The following KLHL1 variants were observed in gnomAD, a reference collection of about 807,000 sequenced individuals.
The protein encoded by KLHL1 is kelch like family member 1.
A neutral mutation model predicts 77.7 loss-of-function variants in KLHL1; 47 were observed. That is an observed-to-expected ratio of 0.60 (90% CI 0.48 to 0.77). KLHL1 has a LOEUF of 0.77. Ranked by LOEUF, KLHL1 falls within the 30% of genes least tolerant of loss-of-function variation. The pLI is 0.00. For missense variants in KLHL1, 925 were observed against 910.8 expected (o/e 1.02, Z -0.20); for synonymous variants, 360 against 325.2 (o/e 1.11, Z -1.15).
chr13:70,108,058 A>C lies in KLHL1; in HGVS notation c.-359T>G, dbSNP rs1258019241. 7.1e-6 allele frequency: 3 copies of C among 421,732 alleles called. No individual in the cohort carries two copies. The highest frequency in any genetic ancestry group is 2.0e-5 in the African/African-American group (1 of 48,924). The allele number at this position is 421,732 out of a possible 1,614,324, so 26.1% of individuals were successfully genotyped here. A position where few individuals can be genotyped will look rare whatever the true frequency, so the allele number is the denominator to read the frequency against. ...TAGGCTGGAGATGCGCGAGGGAGGG[A>C]GGTCTGAGCGCTCCGAAGCTCCGGA... On this transcript the variant is annotated 5_prime_UTR_variant, in exon 1 of 11. Coordinates refer to ENST00000377844, the MANE Select transcript of KLHL1 (RefSeq NM_020866.3).
At chr13:69,843,213 TATATGCACGTAACAAA>T (rs1382725103) in intron 5 of KLHL1, among the ~76,000 whole-genome samples, 2 of 151,658 alleles carry the variant, frequency 1.3e-5, no homozygotes, top group African/African-American at 4.8e-5. Context: ...CACAACACAC[TATATGCACGTAACAAA>T]ATTTCTCATG....
Position 70,092,906 on chromosome 13 carries a change from G to A in KLHL1, c.497+14297C>T, listed in dbSNP as rs57717252. 2.8e-3 allele frequency among the ~76,000 whole-genome samples: 427 copies of A among 152,160 alleles called. 1 individual carries two copies. Among genetic ancestry groups the A allele is most frequent in the African/African-American group, 9.6e-3 (399 of 41,530 alleles). On this transcript the variant is annotated intron_variant, in intron 1 of 10. Transcript: ENST00000377844. ...CTACAGTATTGAACAGCGCAGCCATGAAATAATTGCATCATCACAGGATAA... is the reference window on the plus strand; with the variant it reads ...CTACAGTATTGAACAGCGCAGCCATAAAATAATTGCATCATCACAGGATAA...
chr13:69,768,103 C>T (rs1875393009), intron 7 of KLHL1, among the ~76,000 whole-genome samples: 1 of 152,156 alleles, frequency 6.6e-6, no homozygotes, highest in Non-Finnish European at 1.5e-5. Flanking sequence ...GAAAGATCTT[C>T]TCCTGTGGTA....
rs1217319829 is a variant in KLHL1 at position 69,920,729 on chromosome 13, C to G, written c.1014+19311G>C. ...AAAGTAAAAATCAGTGAAAAATGCTCTCGTTCAAAGAAGTTTTCCATTCAC... is the reference window on the plus strand; with the variant it reads ...AAAGTAAAAATCAGTGAAAAATGCTGTCGTTCAAAGAAGTTTTCCATTCAC... On this transcript the variant is annotated intron_variant, in intron 4 of 10. Transcript: ENST00000377844. 3.9e-5 allele frequency among the ~76,000 whole-genome samples: 6 copies of G among 152,018 alleles called. No individual in the cohort carries two copies. The South Asian group carries it at 1.0e-3, about 26-fold the overall frequency.
At chr13:70,047,499 G>A in intron 1 of KLHL1, among the ~76,000 whole-genome samples, 1 of 151,960 alleles carries the variant, frequency 6.6e-6, no homozygotes, top group East Asian at 1.9e-4. Flanking sequence ...GTTCTTTAGA[G>A]ACACATTACT....
chr13:69,711,494 A>C (rs1327108973), intron 9 of KLHL1, among the ~76,000 whole-genome samples: 2 of 152,230 alleles, frequency 1.3e-5, no homozygotes, highest in African/African-American at 4.8e-5. Flanking sequence ...TGTTGGCTAA[A>C]AATAAATACT....
intron 7 of KLHL1, among the ~76,000 whole-genome samples, chr13:69,761,734 G>A (rs757759248): frequency 4.6e-5 from 7 of 152,138 alleles, no homozygotes; most frequent in Admixed American, 3.3e-4. Context: ...TCCTTGAAAG[G>A]ATATAAGTCC....
At chr13:69,920,255 T>G (rs1882589632) in intron 4 of KLHL1, among the ~76,000 whole-genome samples, 1 of 152,112 alleles carries the variant, frequency 6.6e-6, no homozygotes, top group South Asian at 2.1e-4. Flanking sequence ...ATTGTCAGTT[T>G]CCAATTTTTG....
At chr13:70,071,585 A>G (rs151224191) in intron 1 of KLHL1, among the ~76,000 whole-genome samples, 74 of 152,076 alleles carry the variant, frequency 4.9e-4, no homozygotes, top group Admixed American at 1.1e-3. Context: ...CATAAAACTG[A>G]CCTTAACGAA....
chr13:69,753,336 G>A (rs1874568510), intron 7 of KLHL1, among the ~76,000 whole-genome samples: 1 of 152,126 alleles, frequency 6.6e-6, no homozygotes, highest in African/African-American at 2.4e-5. Context: ...GTGAGACTCA[G>A]GAATCGAGTC....
intron 6 of KLHL1, among the ~76,000 whole-genome samples, chr13:69,822,681 A>T (rs767235741): frequency 4.6e-5 from 7 of 152,152 alleles, no homozygotes; most frequent in Non-Finnish European, 7.4e-5. Context: ...CTCAAATTAC[A>T]ACCTTATAAC....
At chr13:69,891,308 G>A (rs1566369856) in intron 4 of KLHL1, among the ~76,000 whole-genome samples, 1 of 151,956 alleles carries the variant, frequency 6.6e-6, no homozygotes, top group African/African-American at 2.4e-5. Flanking sequence ...CAAAATATGA[G>A]AGTATTAATT....
intron 7 of KLHL1, among the ~76,000 whole-genome samples, chr13:69,789,510 G>A (rs1332113758): frequency 2.0e-5 from 3 of 151,922 alleles, no homozygotes; most frequent in African/African-American, 7.3e-5. Flanking sequence ...ATCACTTTTT[G>A]TACAATTAAA....
chr13:70,040,935 TC>T (rs1267058870), intron 1 of KLHL1, among the ~76,000 whole-genome samples: 7 of 152,056 alleles, frequency 4.6e-5, no homozygotes, highest in Admixed American at 2.0e-4. Flanking sequence ...CAGTCTCTTT[TC>T]TCTCTGTTTG....
At chr13:69,934,986 A>ATATATATATATATATATATATG in intron 4 of KLHL1, among the ~76,000 whole-genome samples, 1 of 134,202 alleles carries the variant, frequency 7.5e-6, no homozygotes, top group East Asian at 2.0e-4. Flanking sequence ...ATATATATAT[A>ATATATATATATATATATATATG]TATGTATATA....
intron 5 of KLHL1, among the ~76,000 whole-genome samples, chr13:69,855,551 C>T (rs1051399446): frequency 3.4e-5 from 5 of 147,952 alleles, no homozygotes; most frequent in African/African-American, 1.3e-4. Flanking sequence ...ATAATGTAAT[C>T]TTGGGGGCGG....
chr13:69,975,863 A>G (rs1884531753), intron 1 of KLHL1, 61 bp from the exon 2 acceptor site: 1 of 1,459,364 alleles, frequency 6.9e-7, no homozygotes, highest in Non-Finnish European at 9.0e-7. Flanking sequence ...TAAAGAGCCA[A>G]TTATCTAGAA....
Position 69,885,424 on chromosome 13 carries a change from ATT to A in KLHL1, c.1015-2931_1015-2930del, listed in dbSNP as rs59491613. ...ACCTACGTATTATTATGTAGGTGTTATTTTTTTTTTTTCTTTACACTTCATTG... is the reference window on the plus strand; with the variant it reads ...ACCTACGTATTATTATGTAGGTGTTATTTTTTTTTTCTTTACACTTCATTG... On this transcript the variant is annotated intron_variant, in intron 4 of 10. Coordinates refer to ENST00000377844, the MANE Select transcript of KLHL1 (RefSeq NM_020866.3). Among the ~76,000 whole-genome samples, 739 of 148,874 alleles carry A rather than the reference ATT, an allele frequency of 5.0e-3. 4 individuals carry two copies. The highest frequency in any genetic ancestry group is 0.013 in the African/African-American group (547 of 40,668).
intron 6 of KLHL1, among the ~76,000 whole-genome samples, chr13:69,798,375 T>C (rs1405243476): frequency 6.6e-6 from 1 of 152,170 alleles, no homozygotes; most frequent in Non-Finnish European, 1.5e-5. Context: ...GTTTTGCTAA[T>C]TAAAGTAAAA....
Sources: allele counts gnomAD v4.1 joint callset (sites outside exome capture counted in the v4.1 genomes callset), GRCh38; gene constraint gnomAD v4.1.1; transcripts MANE v1.5; gene names NCBI Gene and HGNC (gene_info 2026-07-23, HGNC 2026-07-21).